The following MLLT3 variants were observed in gnomAD, a reference collection of about 807,000 sequenced individuals.
MLLT3 encodes the protein MLLT3 super elongation complex subunit, also known as protein AF-9.
MLLT3 carries 4 observed loss-of-function variants against 53.2 expected under a neutral mutation model. That is an observed-to-expected ratio of 0.08 (90% confidence interval 0.04 to 0.17). The LOEUF is 0.17. Among genes scored for constraint, MLLT3 ranks in the 10% least tolerant of loss-of-function variants. The pLI is 1.00. For missense variants in MLLT3, 569 were observed against 684.0 expected (o/e 0.83, Z 1.87); for synonymous variants, 283 against 230.6 (o/e 1.23, Z -2.06).
At position 20,452,817 on chromosome 9, in the gene MLLT3, T is replaced by C. The variant is rs192784823; in HGVS notation, c.276+3887A>G. Among the ~76,000 whole-genome samples the C allele has an allele frequency of 3.3e-5, 5 of 152,248 alleles. 1 individual carries two copies. The highest frequency in any genetic ancestry group is 1.2e-4 in the African/African-American group (5 of 41,538). ...AACAGATATCATGTAAGATTTTAAA[T>C]TCATAAAATCAGAGACTGGAACGGT... On this transcript the variant is annotated intron_variant, in intron 3 of 10. Coordinates refer to ENST00000380338, the MANE Select transcript of MLLT3 (RefSeq NM_004529.4).
intron 7 of MLLT3, chr9:20,363,216 G>T: frequency 2.8e-6 from 1 of 361,550 alleles, no homozygotes; most frequent in Non-Finnish European, 4.9e-6. Flanking sequence ...CTGCCACTTG[G>T]CATACTTTTC....
intron 5 of MLLT3, among the ~76,000 whole-genome samples, chr9:20,392,111 G>A (rs1282870717): frequency 2.6e-5 from 4 of 152,230 alleles, no homozygotes; most frequent in African/African-American, 7.2e-5. Flanking sequence ...GAGGCCTCCT[G>A]AGCTCCCTGA....
chr9:20,467,986 T>C (rs1007221469), intron 2 of MLLT3, among the ~76,000 whole-genome samples: 4 of 152,212 alleles, frequency 2.6e-5, no homozygotes, highest in African/African-American at 9.6e-5. Context: ...CAGAGAAGTT[T>C]AGTGGTCGAG....
At chr9:20,549,162 G>A (rs1365346514) in intron 2 of MLLT3, among the ~76,000 whole-genome samples, 1 of 152,094 alleles carries the variant, frequency 6.6e-6, no homozygotes, top group Non-Finnish European at 1.5e-5. Context: ...GAGGCATTAG[G>A]AATAGTGCCT....
intron 8 of MLLT3, among the ~76,000 whole-genome samples, chr9:20,355,881 G>C (rs1185890470): frequency 6.6e-6 from 1 of 152,146 alleles, no homozygotes; most frequent in Non-Finnish European, 1.5e-5. Context: ...CCCTAACTTA[G>C]TAACACTTCT....
intron 2 of MLLT3, among the ~76,000 whole-genome samples, chr9:20,567,413 T>C (rs987237634): frequency 2.0e-5 from 3 of 152,056 alleles, no homozygotes; most frequent in Admixed American, 6.6e-5. Flanking sequence ...AGCCTTGCTG[T>C]TGCAATCAAG....
chr9:20,530,594 G>A (rs1818306619), intron 2 of MLLT3, among the ~76,000 whole-genome samples: 1 of 152,124 alleles, frequency 6.6e-6, no homozygotes, highest in African/African-American at 2.4e-5. Flanking sequence ...CTTGTTCTCT[G>A]GTAAATACAT....
chr9:20,503,281 C>G (rs1465052699), intron 2 of MLLT3, among the ~76,000 whole-genome samples: 1 of 152,178 alleles, frequency 6.6e-6, no homozygotes, highest in East Asian at 1.9e-4. Context: ...ATCACACTAT[C>G]TAACTTCAAA....
intron 5 of MLLT3, among the ~76,000 whole-genome samples, chr9:20,408,570 C>T (rs773612929): frequency 1.8e-4 from 27 of 152,122 alleles, no homozygotes; most frequent in Non-Finnish European, 2.8e-4. Flanking sequence ...CAGGAGCCTC[C>T]GATGAGAACC....
intron 2 of MLLT3, among the ~76,000 whole-genome samples, chr9:20,606,471 A>G (rs767072735): frequency 2.6e-4 from 39 of 152,112 alleles, no homozygotes; most frequent in Admixed American, 1.2e-3. Context: ...TAAGTGCTCA[A>G]TTTCAGAGAG....
At chr9:20,444,422 T>C (rs1823638844) in intron 4 of MLLT3, among the ~76,000 whole-genome samples, 2 of 152,172 alleles carry the variant, frequency 1.3e-5, no homozygotes, top group Non-Finnish European at 2.9e-5. Flanking sequence ...CTCTCTTCCC[T>C]CTACCAATCA....
intron 2 of MLLT3, among the ~76,000 whole-genome samples, chr9:20,462,207 A>G (rs569853767): frequency 6.6e-6 from 1 of 152,338 alleles, no homozygotes; most frequent in Non-Finnish European, 1.5e-5. Context: ...TTATTTTTAA[A>G]AGCACACACA....
chr9:20,552,541 G>A (rs190156291), intron 2 of MLLT3, among the ~76,000 whole-genome samples: 3 of 152,170 alleles, frequency 2.0e-5, no homozygotes, highest in African/African-American at 7.2e-5. Context: ...TGTTGTTGGG[G>A]CAGAATAGAC....
At chr9:20,346,997 C>T (rs1428214637) in intron 10 of MLLT3, among the ~76,000 whole-genome samples, 1 of 136,894 alleles carries the variant, frequency 7.3e-6, no homozygotes, top group Admixed American at 7.1e-5. Flanking sequence ...CAAACACATA[C>T]ACACACACAC....
chr9:20,356,462 G>A (rs1042909830), intron 8 of MLLT3, among the ~76,000 whole-genome samples: 4 of 151,960 alleles, frequency 2.6e-5, no homozygotes, highest in African/African-American at 9.7e-5. Flanking sequence ...AAAAATCAGC[G>A]CTGAGACCTA....
intron 5 of MLLT3, chr9:20,380,233 A>C (rs950767511): frequency 6.6e-6 from 1 of 151,938 alleles, no homozygotes; most frequent in African/African-American, 2.4e-5. Context: ...ATGGCAGCTC[A>C]GGACAGCACC....
chr9:20,443,456 T>C (rs990724151), intron 4 of MLLT3, among the ~76,000 whole-genome samples: 20 of 152,134 alleles, frequency 1.3e-4, no homozygotes, highest in African/African-American at 4.6e-4. Context: ...AAAAGTTACA[T>C]CTTACAAAAT....
Position 20,620,180 on chromosome 9 carries a change from C to G in MLLT3, c.193+474G>C, listed in dbSNP as rs983926921. On this transcript the variant is annotated intron_variant, in intron 2 of 10. Coordinates refer to ENST00000380338, the MANE Select transcript of MLLT3 (RefSeq NM_004529.4). The surrounding 1 kb of genome is among the most constrained non-coding windows in gnomAD (Gnocchi z 6.1). ...AAGACCCTAAAGAGAACCGACTTGC[C>G]AAGACCGAACAATAACTACATCCAA... Among the ~76,000 whole-genome samples the G allele has an allele frequency of 1.3e-5, 2 of 151,770 alleles. No individual in the cohort carries two copies. Among genetic ancestry groups the G allele is most frequent in the African/African-American group, 4.8e-5 (2 of 41,288 alleles).
At chr9:20,433,507 T>C (rs1484553071) in intron 4 of MLLT3, among the ~76,000 whole-genome samples, 1 of 152,104 alleles carries the variant, frequency 6.6e-6, no homozygotes, top group African/African-American at 2.4e-5. Flanking sequence ...TGGAGAAGCC[T>C]GGAGGATGCC....
Sources: gnomAD v4.1 joint callset for allele counts (sites outside exome capture counted in the v4.1 genomes callset) on GRCh38, gnomAD v4.1.1 for gene constraint, Gnocchi (gnomAD v3.1) non-coding constraint, MANE v1.5 for transcripts, NCBI Gene and HGNC (gene_info 2026-07-23, HGNC 2026-07-21) for gene names.